SFPQ: variants seen among roughly 807,000 people sequenced by gnomAD.
The protein encoded by SFPQ is splicing factor, proline- and glutamine-rich.
SFPQ carries 11 observed loss-of-function variants against 72.9 expected under a neutral mutation model. The ratio of observed to expected loss-of-function variants is 0.15; its 90% confidence interval spans 0.09 to 0.25. The LOEUF (loss-of-function observed/expected upper bound fraction) is 0.25. Ranked by LOEUF, SFPQ falls within the 10% of genes least tolerant of loss-of-function variation. SFPQ has a pLI of 1.00. For missense variants in SFPQ, 847 were observed against 993.3 expected (o/e 0.85, Z 1.98); for synonymous variants, 506 against 367.3 (o/e 1.38, Z -4.32).
In SFPQ at chr1:35,183,699, G is replaced by C. The variant is rs193047652; in HGVS notation, c.*757C>G. On this transcript the variant is annotated 3_prime_UTR_variant, in exon 10 of 10. Transcript: ENST00000357214. Reference sequence around the variant, plus strand: ...TTTTAAAAACAAGAAATGGGGAAATGCAACAAAATGACCTTTCCACTTTTC... The same window carrying C: ...TTTTAAAAACAAGAAATGGGGAAATCCAACAAAATGACCTTTCCACTTTTC... 9.6e-7 allele frequency: 1 copy of C among 1,043,054 alleles called. No individual in the cohort carries two copies. Among genetic ancestry groups the C allele is most frequent in the Non-Finnish European group, 1.2e-6 (1 of 865,026 alleles). The allele number at this position is 1,043,054 out of a possible 1,614,324, so 64.6% of individuals were successfully genotyped here.
downstream of SFPQ, chr1:35,179,947 T>C: frequency 2.8e-6 from 3 of 1,055,106 alleles, no homozygotes; most frequent in South Asian, 4.6e-5. Flanking sequence ...AGCATTATAC[T>C]TGATCTGCAT....
At chr1:35,185,857 C>A (rs568726177) in intron 9 of SFPQ, among the ~76,000 whole-genome samples, 1 of 152,246 alleles carries the variant, frequency 6.6e-6, no homozygotes, top group Non-Finnish European at 1.5e-5. Context: ...ATTACACCAG[C>A]TGAGAACCCA....
At chr1:35,187,275 A>G (rs776188339) in intron 7 of SFPQ, 24 bp from the exon 8 acceptor site, 100 of 1,609,918 alleles carry the variant, frequency 6.2e-5, no homozygotes, top group Middle Eastern at 1.6e-4. Flanking sequence ...ATTCCTTTCA[A>G]TATACCTGCA....
At position 35,183,437 on chromosome 1, in the gene SFPQ, T is replaced by C. The variant is rs1359384437; in HGVS notation, c.*1019A>G. The C allele has an allele frequency of 6.6e-6, 3 of 456,888 alleles. No individual in the cohort carries two copies. The highest frequency in any genetic ancestry group is 4.2e-5 in the African/African-American group (2 of 47,162). The allele number at this position is 456,888 out of a possible 1,614,324, so 28.3% of individuals were successfully genotyped here. A position where few individuals can be genotyped will look rare whatever the true frequency, so the allele number is the denominator to read the frequency against. On this transcript the variant is annotated 3_prime_UTR_variant, in exon 10 of 10. Transcript: ENST00000357214. ...TTTCACCATGTTGGCCAGGCTGGTCTTGAACTCCTGATCTCATGATTTGCC... is the reference window on the plus strand; with the variant it reads ...TTTCACCATGTTGGCCAGGCTGGTCCTGAACTCCTGATCTCATGATTTGCC...
chr1:35,187,051 G>C lies in SFPQ; in HGVS notation c.1936C>G (p.Pro646Ala). ...GGGGIGYEAN[P>A]GVPPATMSGS... Reference sequence around the variant, plus strand: ...CTCATGGTTGCTGGTGGAACGCCAGGATTAGCTTCATAACCTATGCCACCA... The same window carrying C: ...CTCATGGTTGCTGGTGGAACGCCAGCATTAGCTTCATAACCTATGCCACCA... The change falls in exon 9 of 10, where the codon CCT (proline) becomes GCT (alanine). Residue 646 changes from proline (P) to alanine (A), a missense_variant. Physicochemically the swap from Pro to Ala is conservative, Grantham distance 27. Around this residue, in one of 6 missense-constraint regions of SFPQ, gnomAD observed 154 missense variants for 186.0 expected, o/e 0.83. Transcript: ENST00000357214. 6.2e-7 allele frequency: 1 copy of C among 1,614,042 alleles called. No individual in the cohort carries two copies.
chr1:35,187,179 C>A (rs1557799511), intron 8 of SFPQ, 24 bp downstream of exon 8: 4 of 1,613,916 alleles, frequency 2.5e-6, no homozygotes, highest in Non-Finnish European at 3.4e-6. Flanking sequence ...CTACTTATAT[C>A]ATTAATTTAA....
Position 35,184,226 on chromosome 1 carries a change from A to T in SFPQ, c.*230T>A, listed in dbSNP as rs2148612382. Reference sequence around the variant, plus strand: ...CACTGCCATAAACTTGAGGGACATTATACAGTAAAAAAGAAAAAATAAAGA... The same window carrying T: ...CACTGCCATAAACTTGAGGGACATTTTACAGTAAAAAAGAAAAAATAAAGA... On this transcript the variant is annotated 3_prime_UTR_variant, in exon 10 of 10. Transcript: ENST00000357214. The T allele has an allele frequency of 1.5e-6, 2 of 1,293,212 alleles. No individual in the cohort carries two copies. Among genetic ancestry groups the T allele is most frequent in the East Asian group, 7.1e-5 (2 of 28,204 alleles). The allele number at this position is 1,293,212 out of a possible 1,614,324, so 80.1% of individuals were successfully genotyped here. A position where few individuals can be genotyped will look rare whatever the true frequency, so the allele number is the denominator to read the frequency against.
At chr1:35,178,776 A>G (rs1639348465), downstream of SFPQ, 2 of 1,054,412 alleles carry the variant, frequency 1.9e-6, no homozygotes, top group African/African-American at 1.7e-5. Context: ...ATATGAAGTA[A>G]GAGTTCCCTG....
chr1:35,178,395 T>G (rs1359714856), downstream of SFPQ: 1 of 1,064,508 alleles, frequency 9.4e-7, no homozygotes, highest in Non-Finnish European at 1.1e-6. Flanking sequence ...ACATCAGCTC[T>G]TTTTTCATAT....
At position 35,184,386 on chromosome 1, in the gene SFPQ, C is replaced by G. The variant is rs1234629740; in HGVS notation, c.*70G>C. The G allele has an allele frequency of 4.5e-6, 7 of 1,567,992 alleles. No individual in the cohort carries two copies. The highest frequency in any genetic ancestry group is 1.4e-5 in the African/African-American group (1 of 71,600). On this transcript the variant is annotated 3_prime_UTR_variant, in exon 10 of 10. Transcript: ENST00000357214. ...AAAAGATAGCTTTCTTACTAAAATG[C>G]AAGAATTTAAAAGATTGGTATCTAA...
rs1252146597 is a variant in SFPQ, at chr1:35,189,046, G to A, written c.1654C>T (p.Leu552Phe). ...RQEELRRMEE[L>F]HNQEMQKRKE... ...CGTTTCTGCATTTCTTGATTGTGAA[G>A]TTCTTCCATGCGTCTTAATTCTTCC... is the stretch of plus-strand genomic sequence containing the variant. Residue 552 changes from leucine (L) to phenylalanine (F), a missense_variant, in exon 6 of 10, where the codon CTT becomes TTT. Leu to Phe is a conservative substitution (Grantham distance 22, BLOSUM62 0). Around this residue, in one of 6 missense-constraint regions of SFPQ, gnomAD observed 132 missense variants for 255.4 expected, o/e 0.52. Coordinates refer to ENST00000357214, the MANE Select transcript of SFPQ (RefSeq NM_005066.3). 6.2e-7 allele frequency: 1 copy of A among 1,612,766 alleles called. No individual in the cohort carries two copies.
At chr1:35,179,346 AC>A, downstream of SFPQ, 1 of 1,057,794 alleles carries the variant, frequency 9.5e-7, no homozygotes, top group Non-Finnish European at 1.1e-6. Context: ...TAGGTTTGCA[AC>A]CTTGCATGAA....
intron 9 of SFPQ, among the ~76,000 whole-genome samples, chr1:35,185,237 A>G (rs1639649332): frequency 1.3e-5 from 2 of 152,226 alleles, no homozygotes; most frequent in South Asian, 4.1e-4. Flanking sequence ...TATGTTGCCA[A>G]ATTCTCACAG....
In SFPQ at chr1:35,184,022, C is replaced by T. The variant is rs1474441333; in HGVS notation, c.*434G>A. ...CTCCAGATGCATTTCCCAGAAATGG[C>T]ATATGCCATTCAAAGGCCTAGACAC... is the stretch of plus-strand genomic sequence containing the variant. On this transcript the variant is annotated 3_prime_UTR_variant, in exon 10 of 10. Transcript: ENST00000357214. The T allele has an allele frequency of 1.9e-6, 2 of 1,058,754 alleles. No individual in the cohort carries two copies. Among genetic ancestry groups the T allele is most frequent in the African/African-American group, 1.7e-5 (1 of 60,556 alleles). The allele number at this position is 1,058,754 out of a possible 1,614,324, so 65.6% of individuals were successfully genotyped here. A position where few individuals can be genotyped will look rare whatever the true frequency, so the allele number is the denominator to read the frequency against.
At chr1:35,178,770 GAAGT>G (rs1391812191), downstream of SFPQ, 4 of 1,053,398 alleles carry the variant, frequency 3.8e-6, no homozygotes, top group Non-Finnish European at 3.4e-6. Flanking sequence ...AAGGGTATAT[GAAGT>G]AAGAGTTCCC....
intron 4 of SFPQ, chr1:35,177,555 C>G (rs913252299): frequency 6.6e-6 from 1 of 152,158 alleles, no homozygotes; most frequent in African/African-American, 2.4e-5. Flanking sequence ...CACTATTTTG[C>G]CCAGGCTGGG....
At chr1:35,192,024 C>A (rs1640027399) in intron 1 of SFPQ, among the ~76,000 whole-genome samples, 198 bp downstream of exon 1, 1 of 151,892 alleles carries the variant, frequency 6.6e-6, no homozygotes, top group Admixed American at 6.5e-5. Context: ...TAGCCTTCCG[C>A]CCGCCGGGAG....
Position 35,192,276 on chromosome 1 carries a change from C to T in SFPQ, c.774G>A (p.Gly258=), listed in dbSNP as rs1640055164. The T allele has an allele frequency of 1.4e-6, 2 of 1,462,036 alleles. No homozygotes were observed. The highest frequency in any genetic ancestry group is 1.8e-6 in the Non-Finnish European group (2 of 1,114,666). The allele number at this position is 1,462,036 out of a possible 1,614,324, so 90.6% of individuals were successfully genotyped here. A position where few individuals can be genotyped will look rare whatever the true frequency, so the allele number is the denominator to read the frequency against. Residue 258 remains glycine, a synonymous_variant, in exon 1 of 10, where the codon GGG becomes GGA. Coordinates refer to ENST00000357214, the MANE Select transcript of SFPQ (RefSeq NM_005066.3). The part of the protein sequence containing the change: ...HPPYHQQHHQ[G]PPPGGPGGRS... ...GGCCGCCGGGCCCGCCGGGCGGGGG[C>T]CCCTGGTGATGCTGCTGGTGGTAGG...
At position 35,192,737 on chromosome 1, in the gene SFPQ, C is replaced by T. The variant is rs1275991121; in HGVS notation, c.313G>A (p.Asp105Asn). 2.7e-6 allele frequency: 4 copies of T among 1,500,978 alleles called. No individual in the cohort carries two copies. Among genetic ancestry groups the T allele is most frequent in the East Asian group, 5.4e-5 (2 of 37,316 alleles). The allele number at this position is 1,500,978 out of a possible 1,614,324, so 93.0% of individuals were successfully genotyped here. A position where few individuals can be genotyped will look rare whatever the true frequency, so the allele number is the denominator to read the frequency against. The change falls in exon 1 of 10, where the codon GAC becomes AAC. Residue 105 changes from aspartate to asparagine, a missense_variant. By Grantham distance (23) the Asp-to-Asn change is conservative. This residue lies in a region of SFPQ where 498 missense variants were observed against 405.1 expected (regional missense o/e 1.23). Coordinates refer to ENST00000357214, the MANE Select transcript of SFPQ (RefSeq NM_005066.3). ...QQQQPPPPPQ[D>N]SSKPVVAQGP... is the part of the protein sequence containing the mutation. ...TGAGCAACGACGGGCTTGGAAGAGT[C>T]CTGCGGCGGTGGCGGCGGCTGCTGC...
Sources: gnomAD v4.1 joint callset for allele counts (sites outside exome capture counted in the v4.1 genomes callset) on GRCh38, gnomAD v4.1.1 for gene constraint, gnomAD v4.1.1 regional missense constraint, MANE v1.5 for transcripts, NCBI Gene and HGNC (gene_info 2026-07-23, HGNC 2026-07-21) for gene names.